Variants in NRG1 observed in about 807,000 individuals in gnomAD.
NRG1 encodes pro-neuregulin-1, membrane-bound isoform.
Under a neutral mutation model 63.8 loss-of-function variants are expected in NRG1, and 18 were observed. That is an observed-to-expected ratio of 0.28 (90% confidence interval 0.19 to 0.42). The LOEUF (loss-of-function observed/expected upper bound fraction) is 0.42, where lower values mean the gene tolerates loss of function less well. NRG1 is among the 10% of genes least tolerant of loss of function. The pLI is 1.00. For synonymous variants in NRG1, 302 were observed against 301.3 expected (o/e 1.00, Z -0.02); for missense variants, 762 against 814.7 (o/e 0.94, Z 0.79).
intron 1 of NRG1, among the ~76,000 whole-genome samples, chr8:32,556,648 A>G (rs17719687): frequency 0.11 from 16,014 of 152,258 alleles, 1,073 homozygotes; most frequent in South Asian, 0.15. Context: ...CAAGCTTTTT[A>G]GTAGTTTTAA....
intron 1 of NRG1, among the ~76,000 whole-genome samples, chr8:32,015,713 A>G (rs562020459): frequency 1.3e-5 from 2 of 152,234 alleles, no homozygotes; most frequent in South Asian, 4.1e-4. Context: ...GCTATGCCTC[A>G]TTTTCATAAG....
At chr8:31,855,572 C>T (rs1827772469) in intron 1 of NRG1, among the ~76,000 whole-genome samples, 1 of 152,102 alleles carries the variant, frequency 6.6e-6, no homozygotes, top group Non-Finnish European at 1.5e-5. Context: ...ATCCAGTTTG[C>T]CAGTCTGTGT....
At chr8:32,004,654 T>G (rs1259353320) in intron 1 of NRG1, among the ~76,000 whole-genome samples, 1 of 151,402 alleles carries the variant, frequency 6.6e-6, no homozygotes, top group Non-Finnish European at 1.5e-5. Context: ...CCCAGGAAAA[T>G]ATGGGAAGTA....
intron 1 of NRG1, among the ~76,000 whole-genome samples, chr8:32,212,226 GATA>G (rs1844770756): frequency 6.6e-6 from 1 of 152,080 alleles, no homozygotes; most frequent in Non-Finnish European, 1.5e-5. Flanking sequence ...AGAAGGAAAT[GATA>G]AGACTTAGCA....
At chr8:32,229,441 A>T (rs969259371) in intron 1 of NRG1, among the ~76,000 whole-genome samples, 1 of 152,104 alleles carries the variant, frequency 6.6e-6, no homozygotes, top group Admixed American at 6.6e-5. Flanking sequence ...AGTAGATGAG[A>T]TACTCACTCA....
chr8:31,644,304 T>A (rs2130846065), intron 1 of NRG1, among the ~76,000 whole-genome samples: 1 of 152,326 alleles, frequency 6.6e-6, no homozygotes, highest in Non-Finnish European at 1.5e-5. Flanking sequence ...GGATTTAAAA[T>A]AGCTACTTCT....
At chr8:31,968,366 C>G (rs371928161) in intron 1 of NRG1, among the ~76,000 whole-genome samples, 44 of 152,264 alleles carry the variant, frequency 2.9e-4, no homozygotes, top group East Asian at 1.4e-3. Flanking sequence ...GGAGTGCTGA[C>G]AAGTCTGCTT....
intron 6 of NRG1, among the ~76,000 whole-genome samples, chr8:32,732,246 C>T (rs1823873212): frequency 6.6e-6 from 1 of 152,096 alleles, no homozygotes; most frequent in Admixed American, 6.5e-5. Flanking sequence ...AGAAAAGAAT[C>T]ATTCCATTTT....
intron 1 of NRG1, among the ~76,000 whole-genome samples, chr8:31,782,635 T>A (rs1036944924): frequency 6.6e-6 from 1 of 152,174 alleles, no homozygotes. Context: ...GAAGACAGTA[T>A]GAAAATTTCA....
At chr8:32,661,684 G>A (rs569462515) in intron 5 of NRG1, among the ~76,000 whole-genome samples, 5 of 151,314 alleles carry the variant, frequency 3.3e-5, no homozygotes, top group South Asian at 2.1e-4. Flanking sequence ...CTTTAATGGT[G>A]GAAGACTTTA....
intron 1 of NRG1, among the ~76,000 whole-genome samples, chr8:32,357,951 C>A (rs1369240407): frequency 1.3e-5 from 2 of 152,270 alleles, no homozygotes; most frequent in East Asian, 3.9e-4. Context: ...GGAAAAGAAC[C>A]CTTTAATTGT....
chr8:32,637,039 G>A (rs1851467388), intron 5 of NRG1, among the ~76,000 whole-genome samples: 1 of 151,950 alleles, frequency 6.6e-6, no homozygotes, highest in Non-Finnish European at 1.5e-5. Flanking sequence ...ATCAAGATAG[G>A]CTCCTTTCAT....
chr8:32,732,260 C>T (rs762021303), intron 6 of NRG1, among the ~76,000 whole-genome samples: 1 of 152,094 alleles, frequency 6.6e-6, no homozygotes, highest in Admixed American at 6.6e-5. Flanking sequence ...CCATTTTGTA[C>T]CCTCTGATGC....
At chr8:32,071,368 C>T (rs1825734713) in intron 1 of NRG1, among the ~76,000 whole-genome samples, 1 of 152,132 alleles carries the variant, frequency 6.6e-6, no homozygotes, top group Non-Finnish European at 1.5e-5. Flanking sequence ...AAGATTAGCA[C>T]TTGGTTTATA....
intron 1 of NRG1, among the ~76,000 whole-genome samples, chr8:32,134,029 G>T (rs1444833136): frequency 6.6e-6 from 1 of 152,082 alleles, no homozygotes; most frequent in Non-Finnish European, 1.5e-5. Flanking sequence ...TTTACACTCT[G>T]CCAAGCAGTG....
In NRG1 at chr8:32,764,133, C is replaced by T. The variant is rs767475381; in HGVS notation, c.1645C>T (p.Pro549Ser). The change falls in exon 12 of 12, where the codon CCC becomes TCC. Residue 549 changes from proline to serine, a missense_variant. Around this residue, in one of 3 missense-constraint regions of NRG1, gnomAD observed 503 missense variants for 506.8 expected, o/e 0.99. Transcript: ENST00000356819. ...TAGCCGGCGGGCCAAAAGAACCAAG[C>T]CCAATGGCCACATTGCTAACAGATT... The T allele has an allele frequency of 2.0e-5, 32 of 1,613,976 alleles. No individual in the cohort carries two copies. The South Asian group carries it at 3.2e-4, about 16-fold the overall frequency.
chr8:32,542,928 A>C (rs1832714136), intron 1 of NRG1, among the ~76,000 whole-genome samples: 1 of 152,190 alleles, frequency 6.6e-6, no homozygotes, highest in African/African-American at 2.4e-5. Flanking sequence ...TGAAGTCAAA[A>C]TGACAGGACT....
chr8:32,122,772 C>T lies in NRG1; in HGVS notation c.38-473056C>T, dbSNP rs191763071. Among the ~76,000 whole-genome samples the T allele has an allele frequency of 2.9e-3, 438 of 151,808 alleles. 1 individual carries two copies. Among genetic ancestry groups the T allele is most frequent in the African/African-American group, 8.6e-3 (356 of 41,448 alleles). On this transcript the variant is annotated intron_variant, in intron 1 of 10. Transcript: ENST00000519301. ...TATATCTCCCAATGCTATCCCTCCC[C>T]GCTCCCCCCACCCCACAACAGTCCC...
At chr8:32,213,321 A>G (rs1844877284) in intron 1 of NRG1, among the ~76,000 whole-genome samples, 2 of 152,198 alleles carry the variant, frequency 1.3e-5, no homozygotes, top group Non-Finnish European at 2.9e-5. Flanking sequence ...AGGGACATGG[A>G]TGGAGCTAGA....
Sources: allele counts gnomAD v4.1 joint callset (sites outside exome capture counted in the v4.1 genomes callset), GRCh38; gene constraint gnomAD v4.1.1; regional missense constraint gnomAD v4.1.1; transcripts MANE v1.5; gene names NCBI Gene and HGNC (gene_info 2026-07-23, HGNC 2026-07-21).